Variants in RHBDD1 observed in about 807,000 individuals in gnomAD.
The protein encoded by RHBDD1 is rhomboid-related protein 4.
Under a neutral mutation model 36.3 loss-of-function variants are expected in RHBDD1, and 38 were observed. The ratio of observed to expected loss-of-function variants is 1.05; its 90% CI spans 0.81 to 1.37. The LOEUF (loss-of-function observed/expected upper bound fraction) is 1.37, where lower values mean the gene tolerates loss of function less well. RHBDD1 is among the 40% of genes most tolerant of loss of function. The pLI is 0.00. For synonymous variants in RHBDD1, 151 were observed against 136.5 expected (o/e 1.11, Z -0.74); for missense variants, 393 against 377.6 (o/e 1.04, Z -0.34).
intron 3 of RHBDD1, among the ~76,000 whole-genome samples, chr2:226,850,989 T>G (rs1942755498): frequency 6.6e-6 from 1 of 152,176 alleles, no homozygotes; most frequent in African/African-American, 2.4e-5. Flanking sequence ...TCTCTGATTA[T>G]GTTCAGGAAA....
intron 8 of RHBDD1, among the ~76,000 whole-genome samples, chr2:226,950,570 A>G (rs10933163): frequency 0.46 from 70,033 of 152,038 alleles, 16,360 homozygotes; most frequent in African/African-American, 0.53. Flanking sequence ...GCTGTTTTCC[A>G]TAATGGCTGT....
At chr2:226,946,111 T>C (rs2149188074) in intron 8 of RHBDD1, among the ~76,000 whole-genome samples, 1 of 152,074 alleles carries the variant, frequency 6.6e-6, no homozygotes, top group South Asian at 2.1e-4. Context: ...CTGTTCACTC[T>C]GATGATAGTT....
At chr2:226,857,974 G>C (rs1039131385) in intron 3 of RHBDD1, among the ~76,000 whole-genome samples, 2 of 152,170 alleles carry the variant, frequency 1.3e-5, no homozygotes, top group African/African-American at 4.8e-5. Flanking sequence ...TTTATACCTA[G>C]TGTTCCATTA....
intron 8 of RHBDD1, among the ~76,000 whole-genome samples, chr2:226,928,142 T>A (rs1346726521): frequency 6.6e-6 from 1 of 152,128 alleles, no homozygotes; most frequent in African/African-American, 2.4e-5. Context: ...AACCAAAGTT[T>A]GTTTTTTGCT....
chr2:226,917,080 C>G (rs972956330), intron 8 of RHBDD1, among the ~76,000 whole-genome samples: 32 of 151,906 alleles, frequency 2.1e-4, no homozygotes, highest in Middle Eastern at 3.4e-3. Flanking sequence ...GAGATGTTTC[C>G]TTAATGAAGA....
chr2:226,953,550 C>G (rs1470114103), intron 8 of RHBDD1, among the ~76,000 whole-genome samples: 1 of 152,176 alleles, frequency 6.6e-6, no homozygotes, highest in East Asian at 1.9e-4. Context: ...GAATCTATAT[C>G]ATTACACTCC....
At chr2:226,853,639 A>G (rs1053739510) in intron 3 of RHBDD1, among the ~76,000 whole-genome samples, 2 of 152,192 alleles carry the variant, frequency 1.3e-5, no homozygotes, top group Non-Finnish European at 2.9e-5. Flanking sequence ...TCTGTCTTTC[A>G]TGGTTTCACA....
intron 5 of RHBDD1, among the ~76,000 whole-genome samples, chr2:226,886,779 T>C (rs1220877633): frequency 6.6e-6 from 1 of 152,156 alleles, no homozygotes; most frequent in Non-Finnish European, 1.5e-5. Flanking sequence ...TTGAGAATAC[T>C]ACATATCAAA....
the RHBDD1 span, chr2:226,803,897 T>C: frequency 1.3e-5 from 2 of 152,232 alleles, no homozygotes; most frequent in Non-Finnish European, 2.9e-5. Flanking sequence ...ATGCAGGTTC[T>C]GGTTAAATGC....
the RHBDD1 span, among the ~76,000 whole-genome samples, chr2:226,800,513 G>A: frequency 3.3e-5 from 5 of 152,154 alleles, no homozygotes; most frequent in Admixed American, 3.3e-4. Flanking sequence ...CGGCGCTGTG[G>A]AATTAGTTGC....
chr2:226,917,667 C>G (rs980376223), intron 8 of RHBDD1, among the ~76,000 whole-genome samples: 5 of 152,054 alleles, frequency 3.3e-5, no homozygotes, highest in Non-Finnish European at 5.9e-5. Context: ...TTTATTTTAA[C>G]AAAATCATAG....
chr2:226,925,252 G>T (rs1175275768), intron 8 of RHBDD1, among the ~76,000 whole-genome samples: 5 of 152,196 alleles, frequency 3.3e-5, no homozygotes, highest in African/African-American at 1.2e-4. Context: ...GGAAATAATA[G>T]AGAGATGGTC....
intron 3 of RHBDD1, among the ~76,000 whole-genome samples, chr2:226,841,547 A>G (rs1434600398): frequency 6.6e-6 from 1 of 152,202 alleles, no homozygotes; most frequent in Non-Finnish European, 1.5e-5. Flanking sequence ...AAGTGAGAAC[A>G]TGCAGTGTTT....
At chr2:226,869,994 C>A (rs770917693) in intron 5 of RHBDD1, among the ~76,000 whole-genome samples, 2 of 152,166 alleles carry the variant, frequency 1.3e-5, no homozygotes, top group African/African-American at 4.8e-5. Context: ...TACCTTCTAG[C>A]GAGATTATGA....
In RHBDD1 at chr2:226,975,510, C is replaced by G. The variant is rs1014589602; in HGVS notation, c.857-19921C>G. ...TCCTCATTCTTATTTCCCCCTCGGG[C>G]CACCCAGAAGCCAGGCCAGTCCTAC... On this transcript the variant is annotated intron_variant, in intron 8 of 8. Transcript: ENST00000392062. Among the ~76,000 whole-genome samples the G allele has an allele frequency of 5.0e-4, 76 of 152,150 alleles. 1 individual carries two copies. Among genetic ancestry groups the G allele is most frequent in the Non-Finnish European group, 4.6e-4 (31 of 68,024 alleles).
intron 8 of RHBDD1, among the ~76,000 whole-genome samples, chr2:226,927,105 A>C (rs553115836): frequency 2.0e-5 from 3 of 152,078 alleles, no homozygotes; most frequent in Non-Finnish European, 4.4e-5. Context: ...TTTGTAGTCA[A>C]CCTACTCTGA....
intron 3 of RHBDD1, among the ~76,000 whole-genome samples, chr2:226,858,602 A>C (rs1364300340): frequency 6.6e-6 from 1 of 152,144 alleles, no homozygotes; most frequent in Non-Finnish European, 1.5e-5. Flanking sequence ...ATAATGATGA[A>C]ATATTTTCTG....
chr2:226,852,907 A>ATTATTATTC (rs1942963529), intron 3 of RHBDD1, among the ~76,000 whole-genome samples: 3 of 130,496 alleles, frequency 2.3e-5, no homozygotes, highest in African/African-American at 3.4e-5. Context: ...CTAATTTATT[A>ATTATTATTC]TTATTATTAT....
chr2:226,831,586 G>A (rs1284182592), upstream of RHBDD1, among the ~76,000 whole-genome samples: 1 of 152,120 alleles, frequency 6.6e-6, no homozygotes, highest in Admixed American at 6.5e-5. Context: ...AAAGAGACAA[G>A]AATTCTCTCT....
Sources: gnomAD v4.1 joint callset for allele counts (sites outside exome capture counted in the v4.1 genomes callset) on GRCh38, gnomAD v4.1.1 for gene constraint, MANE v1.5 for transcripts, NCBI Gene and HGNC (gene_info 2026-07-23, HGNC 2026-07-21) for gene names.